The following CACNA1B variants were observed in gnomAD, a reference collection of about 807,000 sequenced individuals.
CACNA1B encodes the protein voltage-dependent N-type calcium channel subunit alpha-1B.
Under a neutral mutation model 247.2 loss-of-function variants are expected in CACNA1B, and 70 were observed. The ratio of observed to expected loss-of-function variants is 0.28; its 90% CI spans 0.23 to 0.35. The LOEUF is 0.35. Among genes scored for constraint, CACNA1B ranks in the 10% least tolerant of loss-of-function variants. The pLI is 1.00. For synonymous variants in CACNA1B, 1,231 were observed against 1,294.4 expected, an observed-to-expected ratio of 0.95 and a Z score of 1.05; for missense variants, 2,367 against 3,197.4, an observed-to-expected ratio of 0.74 and a Z score of 6.26.
chr9:138,075,566 G>A (rs538562487), intron 34 of CACNA1B, among the ~76,000 whole-genome samples: 6 of 152,358 alleles, frequency 3.9e-5, no homozygotes, highest in South Asian at 2.1e-4. Flanking sequence ...GCTCGGGGCC[G>A]TTCTTGTGAG....
chr9:138,088,898 G>A (rs892374811), intron 36 of CACNA1B, among the ~76,000 whole-genome samples: 9 of 135,160 alleles, frequency 6.7e-5, no homozygotes, highest in Non-Finnish European at 1.2e-4. Context: ...GGCAGAGGTT[G>A]TAGTGACCGG....
At chr9:138,068,667 G>C in intron 31 of CACNA1B, 1 of 518,122 alleles carries the variant, frequency 1.9e-6, no homozygotes. Context: ...CCAGCTGTAA[G>C]GACACAGCTT....
intron 18 of CACNA1B, among the ~76,000 whole-genome samples, 157 bp downstream of exon 18, chr9:138,013,392 C>G (rs574183714): frequency 6.6e-6 from 1 of 152,128 alleles, no homozygotes; most frequent in Non-Finnish European, 1.5e-5. Context: ...GGGATGAGAG[C>G]CTGGGGGCTC....
At chr9:138,106,498 G>A (rs1163543592) in intron 39 of CACNA1B, among the ~76,000 whole-genome samples, 2 of 152,192 alleles carry the variant, frequency 1.3e-5, no homozygotes, top group Non-Finnish European at 2.9e-5. Context: ...CGCTGGGCGC[G>A]GTGGCTCATG....
At chr9:138,024,600 G>A (rs1958897245) in intron 19 of CACNA1B, among the ~76,000 whole-genome samples, 1 of 152,168 alleles carries the variant, frequency 6.6e-6, no homozygotes, top group Admixed American at 6.5e-5. Flanking sequence ...AGGCTTAAGG[G>A]TTTTGGTTGA....
At chr9:137,969,435 A>T (rs759092939) in intron 10 of CACNA1B, among the ~76,000 whole-genome samples, 13 of 152,258 alleles carry the variant, frequency 8.5e-5, no homozygotes, top group Admixed American at 3.3e-4. Flanking sequence ...GCTGTGGCCC[A>T]TTGTGAAAGG....
At chr9:138,099,252 C>T (rs969803170) in intron 37 of CACNA1B, among the ~76,000 whole-genome samples, 4 of 152,154 alleles carry the variant, frequency 2.6e-5, no homozygotes, top group Admixed American at 1.3e-4. Context: ...CAGATGTCTA[C>T]ATGTGTGTTT....
chr9:138,000,066 T>C (rs1287750523), intron 15 of CACNA1B, among the ~76,000 whole-genome samples: 2 of 151,662 alleles, frequency 1.3e-5, no homozygotes, highest in African/African-American at 2.4e-5. Flanking sequence ...TTGGCAACTT[T>C]ATGCCATGAG....
Position 138,020,537 on chromosome 9 carries a change from G to T in CACNA1B, c.2268-2474G>T, listed in dbSNP as rs1221574883. Among the ~76,000 whole-genome samples the T allele has an allele frequency of 2.0e-5, 3 of 152,198 alleles. No individual in the cohort carries two copies. The highest frequency in any genetic ancestry group is 4.1e-4 in the South Asian group (2 of 4,828). On this transcript the variant is annotated intron_variant, in intron 18 of 46. Coordinates refer to ENST00000371372, the MANE Select transcript of CACNA1B (RefSeq NM_000718.4). This position sits in a 1 kb window ranked among gnomAD's most constrained non-coding sequence, Gnocchi z 4.1. Reference sequence around the variant, plus strand: ...GGCACGCAGATTCAGAGACCTAGGGGATACCTCCAGAGAGGAACTTGGTGG... The same window carrying T: ...GGCACGCAGATTCAGAGACCTAGGGTATACCTCCAGAGAGGAACTTGGTGG...
intron 39 of CACNA1B, among the ~76,000 whole-genome samples, chr9:138,108,806 G>A (rs1279219963): frequency 1.1e-4 from 16 of 152,082 alleles, no homozygotes; most frequent in African/African-American, 3.9e-4. Context: ...ACGCCACCAC[G>A]CCTGGCTAAC....
chr9:137,904,352 C>CT (rs11351694), intron 3 of CACNA1B, among the ~76,000 whole-genome samples: 4,626 of 80,352 alleles, frequency 0.058, 383 homozygotes, highest in Middle Eastern at 0.096. Context: ...CTCTCTCTCT[C>CT]TTTTTTTTTT....
At chr9:138,114,554 G>C (rs1228313304) in intron 41 of CACNA1B, 64 bp downstream of exon 41, 1 of 788,494 alleles carries the variant, frequency 1.3e-6, no homozygotes, top group Non-Finnish European at 2.1e-6. Flanking sequence ...GCATCCTTCG[G>C]GGGGTTGACG....
rs553366464 is a variant in CACNA1B at position 138,090,066 on chromosome 9, G to A, written c.5095-6418G>A. 3.9e-5 allele frequency among the ~76,000 whole-genome samples: 6 copies of A among 152,152 alleles called. No individual in the cohort carries two copies. In the South Asian group the frequency reaches 1.0e-3, roughly 26 times the overall value. On this transcript the variant is annotated intron_variant, in intron 36 of 46. Coordinates refer to ENST00000371372, the MANE Select transcript of CACNA1B (RefSeq NM_000718.4). ...CAAAATACCAATGACATTCTTCATA[G>A]AAATATAAAAAAAATCCTAAAATTA...
intron 6 of CACNA1B, among the ~76,000 whole-genome samples, chr9:137,930,029 T>G (rs1957591654): frequency 6.6e-6 from 1 of 152,166 alleles, no homozygotes; most frequent in Non-Finnish European, 1.5e-5. Context: ...ACTCCTGGCC[T>G]CAAGTGATCC....
At chr9:137,930,649 T>C (rs1957597589) in intron 6 of CACNA1B, among the ~76,000 whole-genome samples, 1 of 152,236 alleles carries the variant, frequency 6.6e-6, no homozygotes, top group Non-Finnish European at 1.5e-5. Context: ...TTGCTGGTTT[T>C]CTGTCTATTC....
intron 40 of CACNA1B, 72 bp from the exon 41 acceptor site, chr9:138,114,306 T>G: frequency 2.6e-6 from 2 of 779,234 alleles, no homozygotes; most frequent in Admixed American, 4.1e-5. Context: ...TTTCCTCACC[T>G]TACTTCCATA....
In CACNA1B at chr9:137,957,960, G is replaced by A. The variant is rs1957969709; in HGVS notation, c.1333+273G>A. Among the ~76,000 whole-genome samples the A allele has an allele frequency of 6.6e-6, 1 of 152,180 alleles. No homozygotes were observed. The highest frequency in any genetic ancestry group is 2.1e-4 in the South Asian group (1 of 4,832). On this transcript the variant is annotated intron_variant, in intron 10 of 46. Transcript: ENST00000371372. The surrounding 1 kb of genome is among the most constrained non-coding windows in gnomAD (Gnocchi z 4.7). ...TTCTGGACCTGCTGCCTCTGAGGCT[G>A]TTGTGTCATCCCCTACCTCTCAAAT...
chr9:137,987,245 C>T (rs369398574), intron 15 of CACNA1B, among the ~76,000 whole-genome samples: 145 of 152,260 alleles, frequency 9.5e-4, no homozygotes, highest in African/African-American at 3.2e-3. Flanking sequence ...TCTCAGATCC[C>T]AGTGACCCCC....
At position 138,020,214 on chromosome 9, in the gene CACNA1B, A is replaced by G. The variant is rs1261236073; in HGVS notation, c.2268-2797A>G. Among the ~76,000 whole-genome samples, 1 of 151,854 alleles carries G rather than the reference A, an allele frequency of 6.6e-6. No homozygotes were observed. The highest frequency in any genetic ancestry group is 1.5e-5 in the Non-Finnish European group (1 of 67,996). On this transcript the variant is annotated intron_variant, in intron 18 of 46. Coordinates refer to ENST00000371372, the MANE Select transcript of CACNA1B (RefSeq NM_000718.4). This position sits in a 1 kb window ranked among gnomAD's most constrained non-coding sequence, Gnocchi z 4.1. ...AGCCCAGAGACCTCAAAGCAGGGCC[A>G]CAGAGCGCCTTGAGGCCACTTCCAA... is the stretch of plus-strand genomic sequence containing the variant.
Sources: gnomAD v4.1 joint callset for allele counts (sites outside exome capture counted in the v4.1 genomes callset) on GRCh38, gnomAD v4.1.1 for gene constraint, Gnocchi (gnomAD v3.1) non-coding constraint, MANE v1.5 for transcripts, NCBI Gene and HGNC (gene_info 2026-07-23, HGNC 2026-07-21) for gene names.